Variants in NAV1 observed in about 807,000 individuals in gnomAD.
NAV1 encodes the protein pore membrane and/or filament interacting like protein 3.
A neutral mutation model predicts 175.2 loss-of-function variants in NAV1; 18 were observed. The ratio of observed to expected loss-of-function variants is 0.10; its 90% CI spans 0.07 to 0.15. The LOEUF (loss-of-function observed/expected upper bound fraction) is 0.15, where lower values mean the gene tolerates loss of function less well. Among genes scored for constraint, NAV1 ranks in the 10% least tolerant of loss-of-function variants. The pLI is 1.00. For missense variants in NAV1, 1,731 were observed against 2,436.6 expected, an observed-to-expected ratio of 0.71 and a Z score of 6.10; for synonymous variants, 897 against 978.7, an observed-to-expected ratio of 0.92 and a Z score of 1.56.
At chr1:201,709,099 G>A (rs781395156) in intron 1 of NAV1, among the ~76,000 whole-genome samples, 1 of 149,086 alleles carries the variant, frequency 6.7e-6, no homozygotes, top group Non-Finnish European at 1.5e-5. Flanking sequence ...GCAGTGAGGC[G>A]TGATCATGCC....
chr1:201,645,179 A>C (rs1484915119), upstream of NAV1, among the ~76,000 whole-genome samples: 1 of 152,170 alleles, frequency 6.6e-6, no homozygotes, highest in East Asian at 1.9e-4. Context: ...AGACTGGATC[A>C]AGAAGATGTG....
At position 201,552,930 on chromosome 1, in the gene NAV1, G is replaced by A. The variant is rs181057767; in HGVS notation, c.-144+13588G>A. 2.5e-3 allele frequency among the ~76,000 whole-genome samples: 385 copies of A among 152,284 alleles called. 3 individuals carry two copies. The highest frequency in any genetic ancestry group is 5.7e-4 in the Non-Finnish European group (39 of 68,026). ...GACGGGTGGAAGGGTTATCTGTGGT[G>A]CTGGCTCTAAGATATATGGTCCCTC... On this transcript the variant is annotated intron_variant, in intron 1 of 33. Transcript: ENST00000685211.
At chr1:201,759,606 G>C (rs1207389211) in intron 3 of NAV1, among the ~76,000 whole-genome samples, 1 of 152,186 alleles carries the variant, frequency 6.6e-6, no homozygotes, top group Non-Finnish European at 1.5e-5. Context: ...CAATGCAGAG[G>C]TTATGCTGGT....
At chr1:201,623,105 G>A (rs1668223999) in exon 1 of NAV1, 2 of 985,854 alleles carry the variant, frequency 2.0e-6, no homozygotes, top group Non-Finnish European at 2.4e-6. Flanking sequence ...AGGGCCTTCC[G>A]GGGGAGAGGC....
intron 1 of NAV1, among the ~76,000 whole-genome samples, chr1:201,665,241 C>T (rs149876862): frequency 7.2e-5 from 11 of 152,004 alleles, no homozygotes; most frequent in Admixed American, 5.2e-4. Flanking sequence ...GGCTCCTCTC[C>T]GTTGCCTCGG....
At chr1:201,662,662 G>C (rs542266843) in intron 1 of NAV1, among the ~76,000 whole-genome samples, 1 of 152,314 alleles carries the variant, frequency 6.6e-6, no homozygotes, top group Admixed American at 6.5e-5. Flanking sequence ...AGTGAGCATA[G>C]AGCACCTGGC....
chr1:201,782,509 C>T lies in NAV1; in HGVS notation c.1997C>T (p.Ser666Phe). Residue 666 changes from serine to phenylalanine, a missense_variant, in exon 6 of 30, where the codon TCT becomes TTT. Ser to Phe is a radical substitution (Grantham distance 155). Coordinates refer to ENST00000367296, the Ensembl canonical transcript of NAV1. The surrounding 1 kb of genome is among the most constrained non-coding windows in gnomAD (Gnocchi z 5.4). ...GGATTCCTGGCTCCTGGAGCCCGTTCTAACATCCAGTACCGCAGCCTGCCC... is the reference window on the plus strand; with the variant it reads ...GGATTCCTGGCTCCTGGAGCCCGTTTTAACATCCAGTACCGCAGCCTGCCC... 6.2e-7 allele frequency: 1 copy of T among 1,612,966 alleles called. No individual in the cohort carries two copies. The highest frequency in any genetic ancestry group is 8.5e-7 in the Non-Finnish European group (1 of 1,179,016).
At chr1:201,617,206 G>GTCTCTCTCTCTC (rs3054501) in intron 2 of NAV1, among the ~76,000 whole-genome samples, 26 of 138,134 alleles carry the variant, frequency 1.9e-4, no homozygotes, top group South Asian at 4.6e-4. Context: ...CAATCTCTCT[G>GTCTCTCTCTCTC]TCTCTCTCTC....
At chr1:201,677,365 T>C (rs1168302933) in intron 1 of NAV1, among the ~76,000 whole-genome samples, 1 of 151,924 alleles carries the variant, frequency 6.6e-6, no homozygotes, top group Non-Finnish European at 1.5e-5. Flanking sequence ...AGGACCACTA[T>C]GTTGTGATCC....
intron 3 of NAV1, chr1:201,739,922 C>T (rs1176761719): frequency 1.7e-5 from 22 of 1,323,500 alleles, no homozygotes; most frequent in Non-Finnish European, 2.1e-5. Flanking sequence ...CTCCGCGTGG[C>T]CCACAGCTCA....
At chr1:201,572,056 G>A (rs1189799138) in intron 1 of NAV1, among the ~76,000 whole-genome samples, 1 of 152,200 alleles carries the variant, frequency 6.6e-6, no homozygotes, top group Non-Finnish European at 1.5e-5. Flanking sequence ...GCACCTTCCA[G>A]ACAAAAGGTC....
chr1:201,562,723 TTC>T (rs1224891851), intron 1 of NAV1, among the ~76,000 whole-genome samples: 1 of 152,192 alleles, frequency 6.6e-6, no homozygotes, highest in Non-Finnish European at 1.5e-5. Flanking sequence ...TGGCATCTCT[TTC>T]TGTTTTAGCT....
intron 1 of NAV1, among the ~76,000 whole-genome samples, chr1:201,581,336 C>T (rs771556143): frequency 2.0e-5 from 3 of 152,138 alleles, no homozygotes; most frequent in Non-Finnish European, 4.4e-5. Context: ...AGGAGCTTAA[C>T]GCCTTGGCTT....
chr1:201,620,819 T>C (rs748538034), upstream of NAV1, among the ~76,000 whole-genome samples: 3 of 152,170 alleles, frequency 2.0e-5, no homozygotes, highest in Admixed American at 6.5e-5. Flanking sequence ...TTCTGCGATA[T>C]AGTACATTTG....
At chr1:201,583,081 C>T (rs1396296121) in intron 1 of NAV1, among the ~76,000 whole-genome samples, 1 of 152,290 alleles carries the variant, frequency 6.6e-6, no homozygotes, top group Non-Finnish European at 1.5e-5. Context: ...CAGCTCAGCC[C>T]ATCTTCTGAC....
upstream of NAV1, among the ~76,000 whole-genome samples, chr1:201,620,562 A>G (rs1253174592): frequency 2.0e-5 from 3 of 148,198 alleles, no homozygotes; most frequent in Non-Finnish European, 4.4e-5. Flanking sequence ...AGGTTCAAGC[A>G]ATTCTCCTGC....
rs1447505468 is a variant in NAV1 at position 201,750,268 on chromosome 1, A to C, written c.1227-30153A>C. Among the ~76,000 whole-genome samples, 1 of 152,186 alleles carries C rather than the reference A, an allele frequency of 6.6e-6. No homozygotes were observed. The highest frequency in any genetic ancestry group is 2.4e-5 in the African/African-American group (1 of 41,432). On this transcript the variant is annotated intron_variant, in intron 3 of 29. Coordinates refer to ENST00000367296, the Ensembl canonical transcript of NAV1. The surrounding 1 kb of genome is among the most constrained non-coding windows in gnomAD (Gnocchi z 4.1). The stretch of plus-strand genomic sequence containing the variant: ...AAGGTATGAAAAACCCTTCCCTGGA[A>C]GTCTCCCAAAGCAGAAAAACACCCA...
chr1:201,629,754 C>A (rs957380376), intron 2 of NAV1, among the ~76,000 whole-genome samples: 1 of 152,140 alleles, frequency 6.6e-6, no homozygotes, highest in African/African-American at 2.4e-5. Flanking sequence ...GGAGTCACTG[C>A]ATGTGTGTGT....
At chr1:201,709,319 A>C (rs1671799867) in intron 1 of NAV1, among the ~76,000 whole-genome samples, 1 of 152,160 alleles carries the variant, frequency 6.6e-6, no homozygotes, top group Non-Finnish European at 1.5e-5. Flanking sequence ...GGTGAAGATC[A>C]GGAATGGATG....
Sources: gnomAD v4.1 joint callset for allele counts (sites outside exome capture counted in the v4.1 genomes callset) on GRCh38, gnomAD v4.1.1 for gene constraint, Gnocchi (gnomAD v3.1) non-coding constraint, MANE v1.5 for transcripts, NCBI Gene and HGNC (gene_info 2026-07-23, HGNC 2026-07-21) for gene names.